The following PHKA1 variants were observed in gnomAD, a reference collection of about 807,000 sequenced individuals.
PHKA1 encodes the protein phosphorylase b kinase regulatory subunit alpha, skeletal muscle isoform.
PHKA1 carries 60 observed loss-of-function variants against 110.2 expected under a neutral mutation model. The observed-to-expected ratio is 0.54, with a 90% CI of 0.44 to 0.68. The LOEUF is 0.68. Ranked by LOEUF, PHKA1 falls within the 30% of genes least tolerant of loss-of-function variation. The pLI is 0.00. For synonymous variants in PHKA1, 316 were observed against 333.6 expected (o/e 0.95, Z 0.58); for missense variants, 801 against 942.5 (o/e 0.85, Z 1.97).
At chrX:72,633,740 A>G (rs1457562781) in intron 16 of PHKA1, among the ~76,000 whole-genome samples, 1 of 111,886 alleles carries the variant, frequency 8.9e-6, no homozygotes, top group Non-Finnish European at 1.9e-5. Flanking sequence ...CATCATTTTT[A>G]TCATATTACT....
chrX:72,625,088 C>CTTTA (rs781924311), intron 17 of PHKA1, among the ~76,000 whole-genome samples: 3 of 111,593 alleles, frequency 2.7e-5, no homozygotes, highest in Non-Finnish European at 3.8e-5. Flanking sequence ...TCTCCTTCTA[C>CTTTA]TTTATTTATT....
chrX:72,666,640 A>G (rs1556306535), intron 7 of PHKA1, among the ~76,000 whole-genome samples: 5 of 111,825 alleles, frequency 4.5e-5, no homozygotes, highest in Non-Finnish European at 7.5e-5. Flanking sequence ...ACAGATAAGG[A>G]ATATTCTAAC....
At chrX:72,659,724 A>T (rs1296075868) in intron 8 of PHKA1, among the ~76,000 whole-genome samples, 2 of 112,300 alleles carry the variant, frequency 1.8e-5, no homozygotes, top group African/African-American at 6.5e-5. Flanking sequence ...AGAATTGCCA[A>T]CCAGTACCCC....
intron 8 of PHKA1, chrX:72,660,404 T>C (rs1183353503): frequency 6.0e-6 from 1 of 167,429 alleles, no homozygotes; most frequent in Non-Finnish European, 1.2e-5. Flanking sequence ...TAGTATGTAG[T>C]CTTTGAGGTT....
chrX:72,634,844 G>C (rs975017160), intron 16 of PHKA1, among the ~76,000 whole-genome samples: 2 of 111,721 alleles, frequency 1.8e-5, no homozygotes, highest in East Asian at 2.8e-4. Context: ...TTGAATTATA[G>C]CTCTCAAACT....
At chrX:72,660,940 G>A (rs781872670) in intron 8 of PHKA1, among the ~76,000 whole-genome samples, 74 of 112,171 alleles carry the variant, frequency 6.6e-4, no homozygotes, top group Non-Finnish European at 1.2e-3. Flanking sequence ...GATTGACTTC[G>A]TAAGCTACTT....
Position 72,684,501 on chromosome X carries a change from A to C in PHKA1, c.534T>G (p.Thr178=), listed in dbSNP as rs1340215683. 13 of 1,124,414 alleles carry C rather than the reference A, an allele frequency of 1.2e-5. No individual in the cohort carries two copies. Among genetic ancestry groups the C allele is most frequent in the Admixed American group, 4.4e-5 (2 of 45,680 alleles). The allele number at this position is 1,124,414 out of a possible 1,213,427, so 92.7% of individuals were successfully genotyped here. Residue 178 remains threonine (T), a synonymous_variant, in exon 5 of 32, where the codon ACT becomes ACG. Coordinates refer to ENST00000373542, the MANE Select transcript of PHKA1 (RefSeq NM_002637.4). Reference sequence around the variant, plus strand: ...CCATTCTAAAATCAGTACTTACAGCAGTTTTATATGCAGCTTCAATGTAAA... The same window carrying C: ...CCATTCTAAAATCAGTACTTACAGCCGTTTTATATGCAGCTTCAATGTAAA... The part of the protein sequence containing the change: ...LVFYIEAAYK[T]ADFGIWERGD...
At chrX:72,644,302 A>T (rs1409470514) in intron 14 of PHKA1, 60 bp downstream of exon 14, 1 of 1,141,974 alleles carries the variant, frequency 8.8e-7, no homozygotes, top group Non-Finnish European at 1.2e-6. Flanking sequence ...AGAAAAAAGG[A>T]TGGAAACCAG....
intron 4 of PHKA1, among the ~76,000 whole-genome samples, chrX:72,692,467 G>A (rs2054050283): frequency 9.0e-6 from 1 of 110,882 alleles, no homozygotes; most frequent in South Asian, 3.9e-4. Flanking sequence ...TCTGCACCCG[G>A]GCTTACTTCT....
At chrX:72,604,015 C>T (rs1186313760) in intron 25 of PHKA1, among the ~76,000 whole-genome samples, 5 of 109,904 alleles carry the variant, frequency 4.5e-5, no homozygotes, top group African/African-American at 1.7e-4. Context: ...TTGACTTTAT[C>T]CTATAAGGAA....
chrX:72,585,867 G>A (rs1398682725), intron 29 of PHKA1, among the ~76,000 whole-genome samples: 2 of 112,491 alleles, frequency 1.8e-5, no homozygotes, highest in African/African-American at 6.5e-5. Context: ...CCTGGCTGGT[G>A]GAGGGGTGTC....
intron 24 of PHKA1, 35 bp downstream of exon 24, chrX:72,605,506 T>A: frequency 8.5e-7 from 1 of 1,169,840 alleles, no homozygotes; most frequent in Non-Finnish European, 1.2e-6. Flanking sequence ...CTTTAAAATA[T>A]CAGTCACCAG....
At chrX:72,681,461 C>G (rs1397921281) in intron 5 of PHKA1, among the ~76,000 whole-genome samples, 2 of 104,158 alleles carry the variant, frequency 1.9e-5, no homozygotes, top group African/African-American at 3.4e-5. Flanking sequence ...GTCAGCCCCC[C>G]CGCCCGGCCA....
chrX:72,671,034 G>C (rs2147786665), intron 6 of PHKA1, among the ~76,000 whole-genome samples: 1 of 111,774 alleles, frequency 8.9e-6, no homozygotes, highest in Non-Finnish European at 1.9e-5. Context: ...ACAAGACAGG[G>C]ATGCCCTCTC....
rs782322879 is a variant in PHKA1, at chrX:72,647,775, GA to G, written c.1324+2614del. Among the ~76,000 whole-genome samples, 12 of 111,302 alleles carry G rather than the reference GA, an allele frequency of 1.1e-4. No individual in the cohort carries two copies. In the East Asian group the frequency reaches 3.1e-3, roughly 29 times the overall value. ...ATAGGAGGAGGCTGAGGAACAGAAA[GA>G]AATATTTATATAAGCAAGAGCAGTG... On this transcript the variant is annotated intron_variant, in intron 13 of 31. Transcript: ENST00000373542.
Position 72,653,548 on chromosome X carries a change from G to A in PHKA1, c.1042-18C>T. On this transcript the variant is annotated intron_variant, in intron 10 of 31. Transcript: ENST00000373542. ...TCTTGAACCTGCAGATAAAAGAAAGGCAGGAAAAAAAGACTTACAGAGAGT... is the reference window on the plus strand; with the variant it reads ...TCTTGAACCTGCAGATAAAAGAAAGACAGGAAAAAAAGACTTACAGAGAGT... The A allele has an allele frequency of 9.0e-7, 1 of 1,110,988 alleles. No individual in the cohort carries two copies. The highest frequency in any genetic ancestry group is 1.9e-5 in the South Asian group (1 of 53,231). 91.6% of individuals were successfully genotyped at this position (1,110,988 alleles called of 1,213,427 possible).
At chrX:72,646,655 G>A (rs1189686388) in intron 13 of PHKA1, among the ~76,000 whole-genome samples, 5 of 111,928 alleles carry the variant, frequency 4.5e-5, no homozygotes, top group Middle Eastern at 4.6e-3. Flanking sequence ...TGAAGCTGGA[G>A]ATGGGGTCGG....
At chrX:72,663,752 A>C (rs1324051761) in intron 8 of PHKA1, among the ~76,000 whole-genome samples, 1 of 109,749 alleles carries the variant, frequency 9.1e-6, no homozygotes, top group African/African-American at 3.3e-5. Flanking sequence ...AAAAAAAAAA[A>C]ACCTGTCAGG....
chrX:72,698,070 A>G (rs184673126), intron 3 of PHKA1, among the ~76,000 whole-genome samples: 79 of 111,026 alleles, frequency 7.1e-4, no homozygotes, highest in African/African-American at 2.3e-3. Context: ...GTACATTATG[A>G]TGTAAATTTT....
Sources: allele counts gnomAD v4.1 joint callset (sites outside exome capture counted in the v4.1 genomes callset), GRCh38; gene constraint gnomAD v4.1.1; transcripts MANE v1.5; gene names NCBI Gene and HGNC (gene_info 2026-07-23, HGNC 2026-07-21).